Variants in LHPP observed in about 807,000 individuals in gnomAD.
LHPP encodes hLHPP.
A neutral mutation model predicts 30.3 loss-of-function variants in LHPP; 24 were observed. That is an observed-to-expected ratio of 0.79 (90% CI 0.57 to 1.11). LHPP has a LOEUF of 1.11. Ranked by LOEUF, LHPP falls within the 50% of genes most tolerant of loss-of-function variation. The probability of loss-of-function intolerance (pLI) is 0.00; values close to 1 mark genes in which losing one functional copy is unlikely to be tolerated. For synonymous variants in LHPP, 150 were observed against 157.1 expected, an observed-to-expected ratio of 0.95 and a Z score of 0.34; for missense variants, 356 against 367.2, an observed-to-expected ratio of 0.97 and a Z score of 0.25.
chr10:124,511,584 T>C (rs1589815617), intron 5 of LHPP, among the ~76,000 whole-genome samples: 1 of 152,128 alleles, frequency 6.6e-6, no homozygotes, highest in East Asian at 1.9e-4. Context: ...AGCACCACCA[T>C]CCGCCGTGGC....
chr10:124,551,523 G>T (rs1324570552), intron 6 of LHPP, among the ~76,000 whole-genome samples: 1 of 152,190 alleles, frequency 6.6e-6, no homozygotes, highest in African/African-American at 2.4e-5. Context: ...CAGGACCCTC[G>T]GGGTGGAGGC....
At chr10:124,553,941 G>T (rs1173546827) in intron 6 of LHPP, 3 of 985,310 alleles carry the variant, frequency 3.0e-6, no homozygotes, top group South Asian at 4.7e-5. Flanking sequence ...GAGGGACAGA[G>T]CCCCCCTGTT....
chr10:124,549,564 A>C (rs973200608), intron 6 of LHPP, among the ~76,000 whole-genome samples: 1 of 152,200 alleles, frequency 6.6e-6, no homozygotes. Flanking sequence ...TCTTCACTTT[A>C]GTCTTGTTAG....
At chr10:124,524,639 G>A (rs1954687925) in intron 6 of LHPP, among the ~76,000 whole-genome samples, 1 of 152,098 alleles carries the variant, frequency 6.6e-6, no homozygotes, top group Admixed American at 6.5e-5. Flanking sequence ...TTTGAGACCA[G>A]CCTGGGCAAC....
intron 2 of LHPP, among the ~76,000 whole-genome samples, chr10:124,486,126 A>G (rs924315150): frequency 2.0e-5 from 3 of 152,228 alleles, no homozygotes; most frequent in Admixed American, 6.5e-5. Flanking sequence ...ATTTACATAC[A>G]ATGAAATGTA....
intron 6 of LHPP, among the ~76,000 whole-genome samples, chr10:124,554,303 C>T (rs902609893): frequency 2.6e-5 from 4 of 152,162 alleles, no homozygotes; most frequent in Non-Finnish European, 4.4e-5. Context: ...CTCCCACCTC[C>T]GCCTCCTGGG....
At chr10:124,611,117 G>A (rs1949191973) in intron 6 of LHPP, among the ~76,000 whole-genome samples, 1 of 151,964 alleles carries the variant, frequency 6.6e-6, no homozygotes, top group Non-Finnish European at 1.5e-5. Context: ...TCATTCAGGA[G>A]CAGCAGAGTG....
intron 6 of LHPP, among the ~76,000 whole-genome samples, chr10:124,601,274 A>G (rs2134011537): frequency 6.6e-6 from 1 of 152,316 alleles, no homozygotes; most frequent in East Asian, 1.9e-4. Context: ...GCCGCGTCAC[A>G]CGCTGCAGCG....
At chr10:124,474,797 C>T (rs898838784) in intron 1 of LHPP, among the ~76,000 whole-genome samples, 1 of 152,152 alleles carries the variant, frequency 6.6e-6, no homozygotes, top group Non-Finnish European at 1.5e-5. Context: ...ACTGCTGGGG[C>T]TCAGTTCACC....
intron 5 of LHPP, chr10:124,498,561 T>G (rs1425952663): frequency 7.7e-5 from 91 of 1,176,358 alleles, no homozygotes; most frequent in Admixed American, 4.3e-4. Flanking sequence ...CTTCCAAATT[T>G]TAGAAAGGAA....
At chr10:124,552,063 A>G (rs1162441258) in intron 6 of LHPP, among the ~76,000 whole-genome samples, 1 of 151,898 alleles carries the variant, frequency 6.6e-6, no homozygotes, top group African/African-American at 2.4e-5. Context: ...CCAGTGCCCC[A>G]TTCCTGCTTG....
At chr10:124,530,009 C>G (rs1176224066) in intron 6 of LHPP, among the ~76,000 whole-genome samples, 1 of 152,204 alleles carries the variant, frequency 6.6e-6, no homozygotes, top group Non-Finnish European at 1.5e-5. Flanking sequence ...TGCCTTGCCA[C>G]AGGGCCCAGG....
At chr10:124,519,854 A>G (rs1292762379) in intron 6 of LHPP, among the ~76,000 whole-genome samples, 3 of 150,946 alleles carry the variant, frequency 2.0e-5, no homozygotes, top group East Asian at 3.9e-4. Flanking sequence ...TTTCTTTGAG[A>G]TAGAGTCTTG....
chr10:124,504,685 G>C (rs866436345), intron 5 of LHPP, among the ~76,000 whole-genome samples: 18 of 152,166 alleles, frequency 1.2e-4, no homozygotes, highest in South Asian at 2.1e-4. Flanking sequence ...GGGAGGAGAC[G>C]AGACTGGCTG....
intron 6 of LHPP, among the ~76,000 whole-genome samples, chr10:124,525,942 G>A (rs1341506643): frequency 1.3e-5 from 2 of 152,190 alleles, no homozygotes; most frequent in East Asian, 1.9e-4. Context: ...GCTGAGGAAG[G>A]GGGTCCCAGG....
Position 124,461,879 on chromosome 10 carries a change from A to C in LHPP, c.17A>C (p.Lys6Thr). Residue 6 changes from lysine to threonine, a missense_variant, in exon 1 of 7, where the codon AAG becomes ACG. Transcript: ENST00000368842. ...CCGGGCGCCATGGCACCGTGGGGCA[A>C]GCGGCTGGCTGGCGTGCGCGGGGTG... MAPWG[K>T]RLAGVRGVLL... The C allele has an allele frequency of 8.0e-7, 1 of 1,257,748 alleles. No individual in the cohort carries two copies. Among genetic ancestry groups the C allele is most frequent in the Non-Finnish European group, 1.0e-6 (1 of 997,998 alleles). The allele number at this position is 1,257,748 out of a possible 1,614,324, so 77.9% of individuals were successfully genotyped here.
At chr10:124,610,829 GAGGGTGAGGGTGAGGGTGTTGA>G (rs1429688940) in intron 6 of LHPP, among the ~76,000 whole-genome samples, 1 of 14,392 alleles carries the variant, frequency 6.9e-5, no homozygotes, top group African/African-American at 1.7e-4. Context: ...GGGTGAGGGT[GAGGGTGAGGGTGAGGGTGTTGA>G]CGGAGCGGGT....
chr10:124,517,168 C>T lies in LHPP; in HGVS notation c.625-12C>T. ...TGACATCACTTCTGAGCGTATTTCACTGCCGTGACAGGCCGTCATGATTGG... is the reference window on the plus strand; with the variant it reads ...TGACATCACTTCTGAGCGTATTTCATTGCCGTGACAGGCCGTCATGATTGG... On this transcript the variant is annotated splice_polypyrimidine_tract_variant and intron_variant, in intron 5 of 6. Transcript: ENST00000368842. The surrounding 1 kb of genome is among the most constrained non-coding windows in gnomAD (Gnocchi z 4.1). 6.3e-7 allele frequency: 1 copy of T among 1,588,620 alleles called. No individual in the cohort carries two copies. Among genetic ancestry groups the T allele is most frequent in the South Asian group, 1.1e-5 (1 of 86,966 alleles).
chr10:124,567,857 A>G (rs1948517858), intron 6 of LHPP, among the ~76,000 whole-genome samples: 1 of 152,226 alleles, frequency 6.6e-6, no homozygotes, highest in Non-Finnish European at 1.5e-5. Flanking sequence ...ACGAGGGCTC[A>G]CTGTGATCTG....
Sources: gnomAD v4.1 joint callset for allele counts (sites outside exome capture counted in the v4.1 genomes callset) on GRCh38, gnomAD v4.1.1 for gene constraint, Gnocchi (gnomAD v3.1) non-coding constraint, MANE v1.5 for transcripts, NCBI Gene and HGNC (gene_info 2026-07-23, HGNC 2026-07-21) for gene names.